Variants in GLI2 observed in about 807,000 individuals in gnomAD.
GLI2 encodes transcription activator GLI2.
In GLI2, 22 loss-of-function variants were observed where a neutral mutation model predicts 78.9. The observed-to-expected ratio is 0.28, with a 90% CI of 0.20 to 0.40. GLI2 has a LOEUF of 0.40. Among genes scored for constraint, GLI2 ranks in the 10% least tolerant of loss-of-function variants. The pLI is 1.00. For missense variants in GLI2, 2,097 were observed against 2,213.2 expected (o/e 0.95, Z 1.05); for synonymous variants, 974 against 963.7 (o/e 1.01, Z -0.20).
At chr2:120,986,738 T>G in intron 13 of GLI2, 124 bp downstream of exon 13, 1 of 753,876 alleles carries the variant, frequency 1.3e-6, no homozygotes, top group Non-Finnish European at 2.2e-6. Context: ...ACCAGCCCAG[T>G]ACAGAAAAGG....
intron 2 of GLI2, among the ~76,000 whole-genome samples, chr2:120,858,121 C>G (rs532497298): frequency 2.6e-5 from 4 of 151,956 alleles, no homozygotes; most frequent in Admixed American, 6.6e-5. Flanking sequence ...GCTCAGGGGG[C>G]GGGGGAGAAT....
intron 2 of GLI2, among the ~76,000 whole-genome samples, chr2:120,911,280 C>T (rs1372016896): frequency 1.3e-5 from 2 of 152,240 alleles, no homozygotes; most frequent in Non-Finnish European, 2.9e-5. Flanking sequence ...CCTCAGTTTC[C>T]TCATCTCTAA....
At chr2:120,766,083 C>G (rs1683357476) in intron 1 of GLI2, among the ~76,000 whole-genome samples, 1 of 152,186 alleles carries the variant, frequency 6.6e-6, no homozygotes, top group African/African-American at 2.4e-5. Flanking sequence ...ATCGTGTTTC[C>G]TTGCATCACG....
At chr2:120,880,581 T>C (rs1484152725) in intron 2 of GLI2, among the ~76,000 whole-genome samples, 1 of 152,104 alleles carries the variant, frequency 6.6e-6, no homozygotes, top group African/African-American at 2.4e-5. Context: ...CAAACAAACA[T>C]AGCTCTGCTT....
chr2:120,874,769 G>C (rs1688649647), intron 2 of GLI2, among the ~76,000 whole-genome samples: 1 of 152,226 alleles, frequency 6.6e-6, no homozygotes, highest in South Asian at 2.1e-4. Context: ...CGCTGTGGCA[G>C]CTGCTGTCCC....
At chr2:120,875,626 T>C (rs550926332) in intron 2 of GLI2, among the ~76,000 whole-genome samples, 1 of 152,234 alleles carries the variant, frequency 6.6e-6, no homozygotes. Flanking sequence ...CTGCAGACAG[T>C]ATTCCTCTTC....
rs561159363 is a variant in GLI2, at chr2:120,802,587, C to T, written c.148+5119C>T. ...GTCCAAATGCTGTTGTATTTTCCTC[C>T]TCCACTGTGGGTTCTCTTTCAAAAA... is the stretch of plus-strand genomic sequence containing the variant. On this transcript the variant is annotated intron_variant, in intron 2 of 13. Coordinates refer to ENST00000361492, the MANE Select transcript of GLI2 (RefSeq NM_001374353.1). 7.0e-4 allele frequency among the ~76,000 whole-genome samples: 107 copies of T among 152,350 alleles called. 2 individuals are homozygous for T. The South Asian group carries it at 0.02, about 28-fold the overall frequency.
rs1684454073 is a variant in GLI2 at position 120,797,477 on chromosome 2, T to C, written c.148+9T>C. ...GGTAGCTGCCCAAGGAGGTACTTTC[T>C]GTTTCGCACACTTGGAGGGCAGCAG... On this transcript the variant is annotated intron_variant, in intron 2 of 13. Transcript: ENST00000361492. 1 of 1,612,882 alleles carries C rather than the reference T, an allele frequency of 6.2e-7. No homozygotes were observed. Among genetic ancestry groups the C allele is most frequent in the Non-Finnish European group, 8.5e-7 (1 of 1,179,122 alleles).
intron 2 of GLI2, among the ~76,000 whole-genome samples, chr2:120,903,438 TC>T (rs1361408827): frequency 6.6e-6 from 1 of 151,904 alleles, no homozygotes; most frequent in African/African-American, 2.4e-5. Flanking sequence ...CTAGTGACCC[TC>T]CCCCTGAGAG....
intron 2 of GLI2, among the ~76,000 whole-genome samples, chr2:120,916,443 C>T: frequency 6.6e-6 from 1 of 152,266 alleles, no homozygotes; most frequent in South Asian, 2.1e-4. Context: ...CCAGGTCTGG[C>T]CTCTTCCAAT....
chr2:120,768,409 C>T (rs1434408035), intron 1 of GLI2, among the ~76,000 whole-genome samples: 1 of 152,196 alleles, frequency 6.6e-6, no homozygotes, highest in African/African-American at 2.4e-5. Context: ...GCCTGTTGAA[C>T]TGCAGGTGAG....
chr2:120,804,472 C>T (rs565978676), intron 2 of GLI2, among the ~76,000 whole-genome samples: 131 of 152,346 alleles, frequency 8.6e-4, no homozygotes, highest in Non-Finnish European at 1.5e-3. Context: ...TTGAGGCTGG[C>T]CGTGGTCTTT....
In GLI2 at chr2:120,832,987, G is replaced by A. The variant is rs111661037; in HGVS notation, c.148+35519G>A. ...TGGGATGTACTAGGTTGTGCTCAGG[G>A]ACCAGGTCAGACATGGAAACTTGGG... On this transcript the variant is annotated intron_variant, in intron 2 of 13. Coordinates refer to ENST00000361492, the MANE Select transcript of GLI2 (RefSeq NM_001374353.1). 4.9e-3 allele frequency among the ~76,000 whole-genome samples: 743 copies of A among 152,212 alleles called. 5 individuals carry two copies. Among genetic ancestry groups the A allele is most frequent in the African/African-American group, 0.017 (715 of 41,534 alleles).
intron 2 of GLI2, among the ~76,000 whole-genome samples, chr2:120,907,957 C>A (rs1678626181): frequency 6.6e-6 from 1 of 152,126 alleles, no homozygotes; most frequent in Admixed American, 6.5e-5. Flanking sequence ...TGGGTGCTGC[C>A]CTCAAGGGGG....
intron 2 of GLI2, among the ~76,000 whole-genome samples, chr2:120,914,557 A>C (rs1678997333): frequency 6.6e-6 from 1 of 152,146 alleles, no homozygotes; most frequent in African/African-American, 2.4e-5. Flanking sequence ...AAATTCTCTA[A>C]TGTGGGACTC....
At chr2:120,865,303 G>T (rs1247242775) in intron 2 of GLI2, among the ~76,000 whole-genome samples, 1 of 152,152 alleles carries the variant, frequency 6.6e-6, no homozygotes, top group East Asian at 1.9e-4. Flanking sequence ...TAGATGCCCT[G>T]CCCCCCATGT....
chr2:120,972,119 G>A, intron 8 of GLI2, 56 bp downstream of exon 8: 2 of 1,600,770 alleles, frequency 1.2e-6, no homozygotes, highest in Non-Finnish European at 1.7e-6. Flanking sequence ...CTTGTGGGCT[G>A]CCTTGGGGCT....
chr2:120,972,754 A>G, intron 8 of GLI2: 3 of 503,564 alleles, frequency 6.0e-6, no homozygotes, highest in Non-Finnish European at 1.2e-5. Flanking sequence ...GGGGGAAGAC[A>G]GGACAAGTTC....
rs775594660 is a variant in GLI2 at position 120,989,950 on chromosome 2, G to A, written c.3985G>A (p.Ala1329Thr). ...GYHQVPSLLPARQPGFMEPQT... is the reference protein window; with the variant it reads ...GYHQVPSLLPTRQPGFMEPQT... Reference sequence around the variant, plus strand: ...CCACCAGGTCCCCAGCCTTCTGCCTGCCCGCCAGCCTGGCTTCATGGAGCC... The same window carrying A: ...CCACCAGGTCCCCAGCCTTCTGCCTACCCGCCAGCCTGGCTTCATGGAGCC... The change falls in exon 14 of 14, where the codon GCC becomes ACC. Residue 1329 changes from alanine to threonine, a missense_variant. By Grantham distance (58) the Ala-to-Thr change is moderately conservative. This residue lies in a region of GLI2 where 1,290 missense variants were observed against 1,261.7 expected (regional missense o/e 1.02). Coordinates refer to ENST00000361492, the MANE Select transcript of GLI2 (RefSeq NM_001374353.1). 1 of 1,610,830 alleles carries A rather than the reference G, an allele frequency of 6.2e-7. No individual in the cohort carries two copies. The highest frequency in any genetic ancestry group is 1.3e-5 in the African/African-American group (1 of 74,926).
Sources: allele counts gnomAD v4.1 joint callset (sites outside exome capture counted in the v4.1 genomes callset), GRCh38; gene constraint gnomAD v4.1.1; regional missense constraint gnomAD v4.1.1; transcripts MANE v1.5; gene names NCBI Gene and HGNC (gene_info 2026-07-23, HGNC 2026-07-21).